The following ATXN7 variants were observed in gnomAD, a reference collection of about 807,000 sequenced individuals.
ATXN7 encodes ataxin-7.
Under a neutral mutation model 70.5 loss-of-function variants are expected in ATXN7, and 12 were observed. That is an observed-to-expected ratio of 0.17 (90% CI 0.11 to 0.28). The LOEUF is 0.28. ATXN7 is among the 10% of genes least tolerant of loss of function. The probability of loss-of-function intolerance (pLI) is 1.00; values close to 1 mark genes in which losing one functional copy is unlikely to be tolerated. For missense variants in ATXN7, 1,256 were observed against 1,131.7 expected (o/e 1.11, Z -1.58); for synonymous variants, 498 against 448.7 (o/e 1.11, Z -1.39).
At chr3:63,875,353 A>G (rs987294172) in intron 1 of ATXN7, among the ~76,000 whole-genome samples, 3 of 152,026 alleles carry the variant, frequency 2.0e-5, no homozygotes, top group Non-Finnish European at 4.4e-5. Context: ...CAGCCTCCCA[A>G]AGTGCTGGGA....
intron 4 of ATXN7, among the ~76,000 whole-genome samples, chr3:63,942,632 A>G (rs1164925434): frequency 1.3e-5 from 2 of 152,210 alleles, no homozygotes. Context: ...ACACCCATTA[A>G]GTACTTAATA....
At chr3:63,900,289 G>A (rs1412017320) in intron 2 of ATXN7, among the ~76,000 whole-genome samples, 1 of 152,138 alleles carries the variant, frequency 6.6e-6, no homozygotes, top group Non-Finnish European at 1.5e-5. Flanking sequence ...TCAGGTTTTA[G>A]GCAACTGTAG....
At chr3:63,863,508 T>G (rs1702289098), upstream of ATXN7, 4 of 1,185,384 alleles carry the variant, frequency 3.4e-6, no homozygotes, top group Non-Finnish European at 4.2e-6. Context: ...GCACACCCTA[T>G]AGCCCCGCGC....
intron 4 of ATXN7, among the ~76,000 whole-genome samples, chr3:63,918,283 A>G (rs1347599550): frequency 1.3e-5 from 2 of 152,132 alleles, no homozygotes; most frequent in South Asian, 2.1e-4. Flanking sequence ...TTCCTAGGGG[A>G]AAAAAATGGT....
At chr3:63,867,321 C>A (rs1213685446) in intron 1 of ATXN7, among the ~76,000 whole-genome samples, 2 of 152,016 alleles carry the variant, frequency 1.3e-5, no homozygotes, top group African/African-American at 2.4e-5. Flanking sequence ...AGTTAGAATT[C>A]TTTTCTTTTC....
At chr3:63,958,951 A>G (rs1000144454) in intron 5 of ATXN7, among the ~76,000 whole-genome samples, 3 of 151,956 alleles carry the variant, frequency 2.0e-5, no homozygotes, top group African/African-American at 7.3e-5. Flanking sequence ...TATGAATTGC[A>G]TGTGTCACAA....
intron 4 of ATXN7, among the ~76,000 whole-genome samples, chr3:63,919,027 C>T (rs1038307392): frequency 4.3e-5 from 6 of 140,114 alleles, no homozygotes; most frequent in African/African-American, 1.8e-4. Context: ...CAGGAACCCC[C>T]AGAGACCCAG....
At chr3:63,975,279 G>T (rs1464361799) in intron 5 of ATXN7, among the ~76,000 whole-genome samples, 4 of 152,282 alleles carry the variant, frequency 2.6e-5, no homozygotes, top group Non-Finnish European at 5.9e-5. Context: ...AGGAATGATA[G>T]TATGCCTTGC....
In ATXN7 at chr3:63,884,247, TCA is replaced by T. The variant is rs146073940; in HGVS notation, c.-110-14138_-110-14137del. ...CACACACACACACACACACATACTC[TCA>T]CACACACACACACTCATTCACTCTC... On this transcript the variant is annotated intron_variant, in intron 1 of 12. Transcript: ENST00000674280. Among the ~76,000 whole-genome samples the T allele has an allele frequency of 3.4e-3, 486 of 142,486 alleles. 2 individuals carry two copies. Among genetic ancestry groups the T allele is most frequent in the Non-Finnish European group, 5.9e-3 (381 of 64,940 alleles). 93.5% of individuals were successfully genotyped at this position (142,486 alleles called of 152,430 possible). A position where few individuals can be genotyped will look rare whatever the true frequency, so the allele number is the denominator to read the frequency against.
At chr3:63,987,485 T>C (rs550711214) in intron 8 of ATXN7, among the ~76,000 whole-genome samples, 1 of 152,362 alleles carries the variant, frequency 6.6e-6, no homozygotes, top group South Asian at 2.1e-4. Context: ...CAGTGCTCCT[T>C]GGCTGTGGCA....
At chr3:63,944,462 G>A (rs1244086825) in intron 4 of ATXN7, among the ~76,000 whole-genome samples, 1 of 152,232 alleles carries the variant, frequency 6.6e-6, no homozygotes, top group Non-Finnish European at 1.5e-5. Flanking sequence ...CTAATGGACA[G>A]GTAGTGTAGA....
rs767883373 is a variant in ATXN7 at position 63,996,229 on chromosome 3, T to G, written c.2407T>G (p.Ser803Ala). The change falls in exon 12 of 13, where the codon TCT (serine) becomes GCT (alanine). Residue 803 changes from serine (S) to alanine (A), a missense_variant. Ser to Ala is a moderately conservative substitution (Grantham distance 99). Transcript: ENST00000674280. The stretch of plus-strand genomic sequence containing the variant: ...GGTGAACAGCAGTGATTCTACTCTT[T>G]CTCTTGGGCCATTCATTCACCAGTC... ...VMVNSSDSTL[S>A]LGPFIHQSNE... 2 of 1,614,086 alleles carry G rather than the reference T, an allele frequency of 1.2e-6. No homozygotes were observed. Among genetic ancestry groups the G allele is most frequent in the Non-Finnish European group, 1.7e-6 (2 of 1,180,012 alleles).
chr3:63,974,278 C>G (rs2075358872), intron 5 of ATXN7, among the ~76,000 whole-genome samples: 1 of 152,210 alleles, frequency 6.6e-6, no homozygotes, highest in Admixed American at 6.5e-5. Context: ...CTGGATCCCA[C>G]CCTGAATATA....
chr3:63,883,372 G>T (rs550494804), intron 1 of ATXN7, among the ~76,000 whole-genome samples: 11 of 152,248 alleles, frequency 7.2e-5, no homozygotes, highest in Middle Eastern at 3.4e-3. Context: ...GTTAATGGTT[G>T]GTTGAAGGCT....
At chr3:63,978,426 G>A (rs911280677) in intron 5 of ATXN7, among the ~76,000 whole-genome samples, 1 of 152,134 alleles carries the variant, frequency 6.6e-6, no homozygotes, top group African/African-American at 2.4e-5. Context: ...TGACAAAACT[G>A]CAAACACATG....
intron 2 of ATXN7, chr3:63,904,809 C>T (rs779908676): frequency 3.9e-5 from 6 of 152,192 alleles, no homozygotes; most frequent in Non-Finnish European, 8.8e-5. Context: ...GTAACTACCA[C>T]TGTTTTCCAC....
intron 4 of ATXN7, among the ~76,000 whole-genome samples, chr3:63,924,291 A>G (rs1475824775): frequency 1.3e-5 from 2 of 152,154 alleles, no homozygotes; most frequent in Non-Finnish European, 2.9e-5. Context: ...CTTTTGACGT[A>G]CTTAGTGGGC....
chr3:63,999,654 G>T lies in ATXN7; in HGVS notation c.*187G>T. ...TCCCTGAAGCTATGTCTCTAGCAGT[G>T]AGTACTCATAAAGGACACTGGATCA... On this transcript the variant is annotated 3_prime_UTR_variant, in exon 13 of 13. Transcript: ENST00000674280. 1 of 1,055,690 alleles carries T rather than the reference G, an allele frequency of 9.5e-7. No homozygotes were observed. Among genetic ancestry groups the T allele is most frequent in the South Asian group, 1.4e-5 (1 of 73,026 alleles). 65.4% of individuals were successfully genotyped at this position (1,055,690 alleles called of 1,614,324 possible). A position where few individuals can be genotyped will look rare whatever the true frequency, so the allele number is the denominator to read the frequency against.
intron 5 of ATXN7, among the ~76,000 whole-genome samples, chr3:63,964,503 G>A (rs1016196958): frequency 5.9e-5 from 9 of 152,140 alleles, no homozygotes; most frequent in Admixed American, 2.0e-4. Context: ...CTGAGGTCAC[G>A]CTGTGGTTAA....
Sources: allele counts gnomAD v4.1 joint callset (sites outside exome capture counted in the v4.1 genomes callset), GRCh38; gene constraint gnomAD v4.1.1; transcripts MANE v1.5; gene names NCBI Gene and HGNC (gene_info 2026-07-23, HGNC 2026-07-21).